The following KLHL12 variants were observed in gnomAD, a reference collection of about 807,000 sequenced individuals.
KLHL12 encodes kelch-like protein 12.
A neutral mutation model predicts 60.8 loss-of-function variants in KLHL12; 17 were observed. The observed-to-expected ratio is 0.28, with a 90% CI of 0.19 to 0.42. The LOEUF (loss-of-function observed/expected upper bound fraction) is 0.42, where lower values mean the gene tolerates loss of function less well. KLHL12 is among the 10% of genes least tolerant of loss of function. The probability of loss-of-function intolerance (pLI) is 1.00; values close to 1 mark genes in which losing one functional copy is unlikely to be tolerated. For missense variants in KLHL12, 468 were observed against 722.3 expected, an observed-to-expected ratio of 0.65 and a Z score of 4.04; for synonymous variants, 220 against 250.9, an observed-to-expected ratio of 0.88 and a Z score of 1.16.
chr1:202,897,961 A>G (rs1220276942), intron 6 of KLHL12, among the ~76,000 whole-genome samples: 3 of 152,212 alleles, frequency 2.0e-5, no homozygotes, highest in Non-Finnish European at 4.4e-5. Flanking sequence ...CCAGGCAACA[A>G]AAGACTAGAG....
Position 202,895,471 on chromosome 1 carries a change from C to T in KLHL12, c.1135+51G>A. On this transcript the variant is annotated intron_variant, in intron 8 of 11. Transcript: ENST00000367261. The surrounding 1 kb of genome is among the most constrained non-coding windows in gnomAD (Gnocchi z 4.2). ...CAGACAACAGGAGAGGTTAAAAACC[C>T]TGGTCCAGCCACAGTAAGATGGAAA... is the stretch of plus-strand genomic sequence containing the variant. The T allele has an allele frequency of 6.5e-7, 1 of 1,526,770 alleles. No homozygotes were observed. The highest frequency in any genetic ancestry group is 2.2e-4 in the Middle Eastern group (1 of 4,650). The allele number at this position is 1,526,770 out of a possible 1,614,324, so 94.6% of individuals were successfully genotyped here. A position where few individuals can be genotyped will look rare whatever the true frequency, so the allele number is the denominator to read the frequency against.
intron 2 of KLHL12, among the ~76,000 whole-genome samples, chr1:202,922,918 T>C (rs1254118799): frequency 2.0e-5 from 3 of 152,200 alleles, no homozygotes; most frequent in Non-Finnish European, 4.4e-5. Flanking sequence ...CTTTGTGATC[T>C]TTCAATCAGA....
intron 4 of KLHL12, among the ~76,000 whole-genome samples, 198 bp from the exon 5 acceptor site, chr1:202,911,401 A>C (rs1217615012): frequency 1.9e-5 from 2 of 104,362 alleles, no homozygotes; most frequent in East Asian, 4.7e-4. Context: ...AATTATAGTC[A>C]ATTTGGGTTA....
chr1:202,894,189 C>A lies in KLHL12; in HGVS notation c.1388G>T (p.Arg463Leu). Residue 463 changes from arginine (R) to leucine (L), a missense_variant, in exon 10 of 12, where the codon CGT (arginine) becomes CTT (leucine). Coordinates refer to ENST00000367261, the MANE Select transcript of KLHL12 (RefSeq NM_021633.4). ...WTNVTPMATK[R>L]SGAGVALLND... The stretch of plus-strand genomic sequence containing the variant: ...TCCCTCAGATCTGGTCTTACCAGAA[C>A]GCTTGGTGGCCATTGGTGTAACATT... 6.5e-7 allele frequency: 1 copy of A among 1,545,968 alleles called. No homozygotes were observed.
chr1:202,899,952 A>G (rs1038254477), intron 6 of KLHL12, among the ~76,000 whole-genome samples: 1 of 152,052 alleles, frequency 6.6e-6, no homozygotes, highest in African/African-American at 2.4e-5. Context: ...TAGGACCACA[A>G]GTTATTTGTT....
In KLHL12 at chr1:202,891,997, T is replaced by G. The variant is rs1659689630; in HGVS notation, c.*536A>C. 6.6e-6 allele frequency: 1 copy of G among 151,994 alleles called. No homozygotes were observed. The highest frequency in any genetic ancestry group is 6.6e-5 in the Admixed American group (1 of 15,244). 9.4% of individuals were successfully genotyped at this position (151,994 alleles called of 1,614,324 possible). A position where few individuals can be genotyped will look rare whatever the true frequency, so the allele number is the denominator to read the frequency against. ...CTCTCTCTCCCTTGTCCCCAAAGTT[T>G]TGTGGGGCTCTCCCTTTTGTTTCCC... On this transcript the variant is annotated 3_prime_UTR_variant, in exon 12 of 12. Coordinates refer to ENST00000367261, the MANE Select transcript of KLHL12 (RefSeq NM_021633.4).
Position 202,927,227 on chromosome 1 carries a change from C to T in KLHL12, c.-184G>A. ...GAGGCTCTGGAGGCTCTGGAGCCGT[C>T]CGGGTCTGGCCCCTGCGGCCGCGCG... is the stretch of plus-strand genomic sequence containing the variant. On this transcript the variant is annotated 5_prime_UTR_variant, in exon 1 of 12. Transcript: ENST00000367261. The T allele has an allele frequency of 1.0e-6, 1 of 985,126 alleles. No homozygotes were observed. Among genetic ancestry groups the T allele is most frequent in the South Asian group, 4.7e-5 (1 of 21,282 alleles). 61.0% of individuals were successfully genotyped at this position (985,126 alleles called of 1,614,324 possible). A position where few individuals can be genotyped will look rare whatever the true frequency, so the allele number is the denominator to read the frequency against.
intron 6 of KLHL12, among the ~76,000 whole-genome samples, chr1:202,908,734 A>ATT (rs1660268615): frequency 6.6e-6 from 1 of 152,180 alleles, no homozygotes; most frequent in Non-Finnish European, 1.5e-5. Context: ...ATTGACAAAA[A>ATT]ATTGTAACAT....
intron 4 of KLHL12, among the ~76,000 whole-genome samples, chr1:202,914,418 G>C (rs966197792): frequency 1.3e-5 from 2 of 152,178 alleles, no homozygotes; most frequent in African/African-American, 4.8e-5. Flanking sequence ...TATAGAAGAT[G>C]TCCTTGATCT....
intron 6 of KLHL12, among the ~76,000 whole-genome samples, chr1:202,906,394 G>A (rs935941605): frequency 2.1e-5 from 3 of 142,426 alleles, no homozygotes; most frequent in African/African-American, 7.8e-5. Flanking sequence ...GACAGAGGTT[G>A]CAGTGAGCAA....
chr1:202,922,536 G>C (rs1226672332), intron 2 of KLHL12, among the ~76,000 whole-genome samples: 2 of 151,440 alleles, frequency 1.3e-5, no homozygotes, highest in Non-Finnish European at 2.9e-5. Flanking sequence ...ACCCAGGCTG[G>C]AGTGCAGTGG....
At chr1:202,912,938 TTC>T (rs1240493883) in intron 4 of KLHL12, among the ~76,000 whole-genome samples, 1 of 152,100 alleles carries the variant, frequency 6.6e-6, no homozygotes, top group East Asian at 1.9e-4. Flanking sequence ...TTATTTTAGT[TTC>T]TGTTCTGTGG....
At chr1:202,896,164 T>G (rs1021660595) in intron 7 of KLHL12, among the ~76,000 whole-genome samples, 8 of 152,168 alleles carry the variant, frequency 5.3e-5, no homozygotes, top group African/African-American at 1.9e-4. Context: ...CATTCAGCAC[T>G]GAGAGACATG....
chr1:202,905,521 T>G (rs1660154624), intron 6 of KLHL12, among the ~76,000 whole-genome samples: 1 of 152,210 alleles, frequency 6.6e-6, no homozygotes, highest in Admixed American at 6.5e-5. Flanking sequence ...GCAAAATGTC[T>G]TATCTCCTAG....
Position 202,908,994 on chromosome 1 carries a change from C to A in KLHL12, c.832+16G>T. 6.5e-7 allele frequency: 1 copy of A among 1,526,788 alleles called. No homozygotes were observed. The highest frequency in any genetic ancestry group is 1.7e-5 in the Admixed American group (1 of 59,816). 94.6% of individuals were successfully genotyped at this position (1,526,788 alleles called of 1,614,324 possible). A position where few individuals can be genotyped will look rare whatever the true frequency, so the allele number is the denominator to read the frequency against. Reference sequence around the variant, plus strand: ...GTTGAAAAGCATCCCCTCATTCTGCCGAGATACCAGCTTACCTAGGCGAGC... The same window carrying A: ...GTTGAAAAGCATCCCCTCATTCTGCAGAGATACCAGCTTACCTAGGCGAGC... On this transcript the variant is annotated intron_variant, in intron 6 of 11. Transcript: ENST00000367261.
chr1:202,893,482 T>C lies in KLHL12; in HGVS notation c.1394-57A>G. 8 of 1,452,244 alleles carry C rather than the reference T, an allele frequency of 5.5e-6. No homozygotes were observed. The highest frequency in any genetic ancestry group is 7.6e-6 in the Non-Finnish European group (8 of 1,055,964). 90.0% of individuals were successfully genotyped at this position (1,452,244 alleles called of 1,614,324 possible). ...GGTACTAAGCCTAGAATCTGAATTA[T>C]AGAAATAAACTACGGTCACTAATGA... On this transcript the variant is annotated intron_variant, in intron 10 of 11. Transcript: ENST00000367261. This position sits in a 1 kb window ranked among gnomAD's most constrained non-coding sequence, Gnocchi z 4.1.
At chr1:202,919,178 C>G (rs1345351787) in intron 3 of KLHL12, among the ~76,000 whole-genome samples, 5 of 152,170 alleles carry the variant, frequency 3.3e-5, no homozygotes. Context: ...ATTGCTTGAG[C>G]CCAAGAATTC....
chr1:202,905,394 T>C (rs1311399340), intron 6 of KLHL12, among the ~76,000 whole-genome samples: 1 of 152,220 alleles, frequency 6.6e-6, no homozygotes, highest in African/African-American at 2.4e-5. Context: ...AGTACCTTAG[T>C]GACTGAACAT....
intron 4 of KLHL12, among the ~76,000 whole-genome samples, chr1:202,913,803 T>C (rs1660436682): frequency 6.6e-6 from 1 of 152,138 alleles, no homozygotes; most frequent in African/African-American, 2.4e-5. Context: ...GCACTAGAAA[T>C]GCATTGTCCA....
Sources: allele counts gnomAD v4.1 joint callset (sites outside exome capture counted in the v4.1 genomes callset), GRCh38; gene constraint gnomAD v4.1.1; non-coding constraint Gnocchi (gnomAD v3.1); transcripts MANE v1.5; gene names NCBI Gene and HGNC (gene_info 2026-07-23, HGNC 2026-07-21).